The following KCNN2 variants were observed in gnomAD, a reference collection of about 807,000 sequenced individuals.
The protein encoded by KCNN2 is potassium calcium-activated channel subfamily N member 2, also known as small conductance calcium-activated potassium channel protein 2.
A neutral mutation model predicts 55.5 loss-of-function variants in KCNN2; 24 were observed. The ratio of observed to expected loss-of-function variants is 0.43; its 90% CI spans 0.31 to 0.61. KCNN2 has a LOEUF of 0.61. KCNN2 is among the 20% of genes least tolerant of loss of function. The pLI, the probability that KCNN2 is intolerant of heterozygous loss-of-function variation, is 0.08. For synonymous variants in KCNN2, 431 were observed against 336.1 expected, an observed-to-expected ratio of 1.28 and a Z score of -3.09; for missense variants, 754 against 853.6, an observed-to-expected ratio of 0.88 and a Z score of 1.45.
chr5:114,162,800 C>T (rs1752817107), intron 1 of KCNN2, among the ~76,000 whole-genome samples: 1 of 152,142 alleles, frequency 6.6e-6, no homozygotes, highest in Non-Finnish European at 1.5e-5. Flanking sequence ...ACCCTCCGAG[C>T]CAGGTGTGGG....
intron 1 of KCNN2, among the ~76,000 whole-genome samples, chr5:114,082,045 A>G (rs952313916): frequency 5.3e-5 from 8 of 152,214 alleles, no homozygotes; most frequent in Non-Finnish European, 8.8e-5. Flanking sequence ...AGAAGATATA[A>G]AAATGTCCAG....
chr5:114,290,012 T>C (rs886979349), intron 2 of KCNN2, among the ~76,000 whole-genome samples: 1 of 152,208 alleles, frequency 6.6e-6, no homozygotes, highest in African/African-American at 2.4e-5. Flanking sequence ...TTTGCTCTTG[T>C]ACCCTGCAAC....
chr5:114,080,009 A>G (rs1448637955), intron 1 of KCNN2, among the ~76,000 whole-genome samples: 2 of 151,900 alleles, frequency 1.3e-5, no homozygotes, highest in African/African-American at 4.8e-5. Flanking sequence ...CCTGAGTTTC[A>G]TTACTTTGAA....
chr5:114,465,347 C>G (rs1761391700), intron 4 of KCNN2, among the ~76,000 whole-genome samples: 1 of 152,052 alleles, frequency 6.6e-6, no homozygotes. Context: ...GCACTGTGTC[C>G]CACGCCTGTA....
intron 1 of KCNN2, among the ~76,000 whole-genome samples, chr5:114,147,116 A>C (rs1388429253): frequency 6.6e-6 from 1 of 152,154 alleles, no homozygotes; most frequent in African/African-American, 2.4e-5. Flanking sequence ...AAATGACTTT[A>C]TCTTTTGGTC....
chr5:114,483,226 G>T (rs1427251154), intron 5 of KCNN2, among the ~76,000 whole-genome samples: 2 of 151,180 alleles, frequency 1.3e-5, no homozygotes, highest in Admixed American at 1.3e-4. Flanking sequence ...AGGAATCTGG[G>T]TAAGTACTAC....
intron 1 of KCNN2, among the ~76,000 whole-genome samples, chr5:114,153,443 A>G (rs1276234897): frequency 1.3e-5 from 2 of 152,180 alleles, no homozygotes; most frequent in South Asian, 2.1e-4. Context: ...ACTTATAAGC[A>G]TATGAGTTAG....
At chr5:114,147,996 A>G (rs1752437431) in intron 1 of KCNN2, among the ~76,000 whole-genome samples, 1 of 152,172 alleles carries the variant, frequency 6.6e-6, no homozygotes, top group African/African-American at 2.4e-5. Context: ...CACATAACGA[A>G]GAATGTAATT....
At chr5:114,297,681 A>T (rs1010178034) in intron 2 of KCNN2, among the ~76,000 whole-genome samples, 19 of 152,324 alleles carry the variant, frequency 1.2e-4, no homozygotes, top group Admixed American at 1.2e-3. Flanking sequence ...ATTATTTATT[A>T]AATAAAAGAG....
At chr5:114,383,008 T>C (rs973941777) in intron 2 of KCNN2, among the ~76,000 whole-genome samples, 2 of 152,188 alleles carry the variant, frequency 1.3e-5, no homozygotes, top group African/African-American at 4.8e-5. Context: ...TTAGTTAATA[T>C]GTGTCAATTA....
At chr5:114,168,174 TACACACACACAC>T (rs10654082) in intron 1 of KCNN2, among the ~76,000 whole-genome samples, 2 of 148,612 alleles carry the variant, frequency 1.3e-5, no homozygotes, top group South Asian at 2.2e-4. Flanking sequence ...TGGATATATA[TACACACACACAC>T]ACACACACAC....
intron 1 of KCNN2, among the ~76,000 whole-genome samples, chr5:114,080,968 G>T (rs1750804219): frequency 6.6e-6 from 1 of 151,846 alleles, no homozygotes; most frequent in Non-Finnish European, 1.5e-5. Flanking sequence ...AGAACTAAAA[G>T]GTGAATTCAG....
At chr5:114,062,813 TA>T (rs542904991) in intron 1 of KCNN2, among the ~76,000 whole-genome samples, 1 of 152,156 alleles carries the variant, frequency 6.6e-6, no homozygotes, top group Admixed American at 6.5e-5. Flanking sequence ...GGTAAGTCCT[TA>T]AAAAAACCCT....
At chr5:114,374,927 C>A (rs1280029713) in intron 2 of KCNN2, among the ~76,000 whole-genome samples, 2 of 152,094 alleles carry the variant, frequency 1.3e-5, no homozygotes, top group African/African-American at 4.8e-5. Context: ...ACCACTGTGA[C>A]TTTATTGTCT....
chr5:114,317,231 AT>A (rs1164491163), intron 2 of KCNN2, among the ~76,000 whole-genome samples: 3,223 of 145,564 alleles, frequency 0.022, 122 homozygotes, highest in African/African-American at 0.075. Flanking sequence ...TATTGATCCA[AT>A]TTTTTTTTTT....
intron 2 of KCNN2, among the ~76,000 whole-genome samples, chr5:114,292,183 C>T (rs1435294177): frequency 1.3e-5 from 2 of 148,676 alleles, no homozygotes; most frequent in African/African-American, 5.3e-5. Context: ...TGTGCAGAAG[C>T]TCTTTAGTTT....
At chr5:114,342,512 C>T (rs1757035048) in intron 2 of KCNN2, among the ~76,000 whole-genome samples, 1 of 152,076 alleles carries the variant, frequency 6.6e-6, no homozygotes, top group South Asian at 2.1e-4. Flanking sequence ...AGAAAGATTT[C>T]ATAGACTTTA....
At chr5:114,406,673 C>T (rs1758944712) in intron 3 of KCNN2, among the ~76,000 whole-genome samples, 1 of 152,028 alleles carries the variant, frequency 6.6e-6, no homozygotes, top group Admixed American at 6.6e-5. Context: ...TTAAGCAATT[C>T]ATCAACTTCA....
chr5:114,237,719 G>A (rs773530711), intron 2 of KCNN2, among the ~76,000 whole-genome samples: 3 of 152,140 alleles, frequency 2.0e-5, no homozygotes, highest in African/African-American at 7.2e-5. Context: ...TTATGATTAT[G>A]CATTGTATTA....
Sources: allele counts gnomAD v4.1 joint callset (sites outside exome capture counted in the v4.1 genomes callset), GRCh38; gene constraint gnomAD v4.1.1; transcripts MANE v1.5; gene names NCBI Gene and HGNC (gene_info 2026-07-23, HGNC 2026-07-21).